The following PRR12 variants were observed in gnomAD, a reference collection of about 807,000 sequenced individuals.
The protein encoded by PRR12 is proline-rich protein 12.
In PRR12, 12 loss-of-function variants were observed where a neutral mutation model predicts 138.0. The ratio of observed to expected loss-of-function variants is 0.09; its 90% CI spans 0.06 to 0.14. The LOEUF is 0.14. Among genes scored for constraint, PRR12 ranks in the 10% least tolerant of loss-of-function variants. PRR12 has a pLI of 1.00. For synonymous variants in PRR12, 1,567 were observed against 1,291.7 expected (o/e 1.21, Z -4.57); for missense variants, 2,692 against 2,861.3 (o/e 0.94, Z 1.35).
chr19:49,601,568 C>T lies in PRR12; in HGVS notation c.4423C>T (p.Pro1475Ser). The change falls in exon 6 of 14, where the codon CCT (proline) becomes TCT (serine). Residue 1475 changes from proline (P) to serine (S), a missense_variant. Physicochemically the swap from Pro to Ser is moderately conservative, Grantham distance 74 (BLOSUM62 -1). This residue lies in a region of PRR12 where 231 missense variants were observed against 200.8 expected (regional missense o/e 1.15). Coordinates refer to ENST00000418929, the MANE Select transcript of PRR12 (RefSeq NM_020719.3). ...PTPQPQPPPPPPPPQPALPSP... is the reference protein window; with the variant it reads ...PTPQPQPPPPSPPPQPALPSP... ...TCCTCAGCCTCAGCCTCCGCCACCC[C>T]CTCCGCCGCCACAGCCAGCCCTGCC... is the stretch of plus-strand genomic sequence containing the variant. 5 of 1,541,602 alleles carry T rather than the reference C, an allele frequency of 3.2e-6. No individual in the cohort carries two copies. The highest frequency in any genetic ancestry group is 4.4e-6 in the Non-Finnish European group (5 of 1,140,570).
intron 6 of PRR12, among the ~76,000 whole-genome samples, chr19:49,612,390 A>G (rs1378108786): frequency 6.6e-6 from 1 of 151,864 alleles, no homozygotes; most frequent in Non-Finnish European, 1.5e-5. Context: ...GAGAGGCAGG[A>G]TGGGTGGGGC....
chr19:49,596,717 G>T lies in PRR12; in HGVS notation c.2382G>T (p.Leu794=). The part of the protein sequence containing the change: ...EAGGPDLPLV[L]PPPPPQLLPS... The stretch of plus-strand genomic sequence containing the variant: ...GGGGCCCTGACCTCCCACTGGTGCT[G>T]CCTCCGCCTCCCCCCCAGCTGCTCC... The change falls in exon 4 of 14, where the codon CTG becomes CTT. Residue 794 remains leucine, a synonymous_variant. Coordinates refer to ENST00000418929, the MANE Select transcript of PRR12 (RefSeq NM_020719.3). This position sits in a 1 kb window ranked among gnomAD's most constrained non-coding sequence, Gnocchi z 5.6. 1 of 1,605,390 alleles carries T rather than the reference G, an allele frequency of 6.2e-7. No homozygotes were observed.
chr19:49,614,302 C>G lies in PRR12; in HGVS notation c.4774-231C>G, dbSNP rs2080880627. ...AGCAATAGTGACTCAAACTCTACAG[C>G]CTGAGAACGAGCAGCCCAATCCAGG... is the stretch of plus-strand genomic sequence containing the variant. On this transcript the variant is annotated intron_variant, in intron 6 of 13. Coordinates refer to ENST00000418929, the MANE Select transcript of PRR12 (RefSeq NM_020719.3). The surrounding 1 kb of genome is among the most constrained non-coding windows in gnomAD (Gnocchi z 5.0). 6.6e-6 allele frequency among the ~76,000 whole-genome samples: 1 copy of G among 152,174 alleles called. No individual in the cohort carries two copies. The highest frequency in any genetic ancestry group is 1.5e-5 in the Non-Finnish European group (1 of 68,042).
Position 49,595,182 on chromosome 19 carries a change from C to T in PRR12, c.847C>T (p.Pro283Ser). ...CCCACCGCCGCCTGAGCGGGCCCTGCCACGCCAGGACACGGTCATCAAGCA... is the reference window on the plus strand; with the variant it reads ...CCCACCGCCGCCTGAGCGGGCCCTGTCACGCCAGGACACGGTCATCAAGCA... Reference protein sequence around the residue: ...PGPPPPERALPRQDTVIKHYQ... With the variant: ...PGPPPPERALSRQDTVIKHYQ... The change falls in exon 4 of 14, where the codon CCA (proline) becomes TCA (serine). Residue 283 changes from proline (P) to serine (S), a missense_variant. Coordinates refer to ENST00000418929, the MANE Select transcript of PRR12 (RefSeq NM_020719.3). 6.2e-7 allele frequency: 1 copy of T among 1,607,842 alleles called. No homozygotes were observed. The highest frequency in any genetic ancestry group is 1.3e-5 in the African/African-American group (1 of 74,912).
chr19:49,603,881 C>T (rs112030675), intron 6 of PRR12, among the ~76,000 whole-genome samples: 2,734 of 151,868 alleles, frequency 0.018, 82 homozygotes, highest in African/African-American at 0.061. Context: ...AGTGCAGTGA[C>T]GCAATCTCGG....
At position 49,626,318 on chromosome 19, in the gene PRR12, G is replaced by A. The variant is rs892237374; in HGVS notation, c.*711G>A. Reference sequence around the variant, plus strand: ...TCCCCTCCTCCCCGTTCTCGCCCCCGCCCCACCCCCTGCTCCCACTACCCT... The same window carrying A: ...TCCCCTCCTCCCCGTTCTCGCCCCCACCCCACCCCCTGCTCCCACTACCCT... On this transcript the variant is annotated 3_prime_UTR_variant, in exon 14 of 14. Coordinates refer to ENST00000418929, the MANE Select transcript of PRR12 (RefSeq NM_020719.3). The A allele has an allele frequency of 3.5e-5, 5 of 142,624 alleles. No homozygotes were observed. The highest frequency in any genetic ancestry group is 6.1e-5 in the Non-Finnish European group (4 of 65,076). The allele number at this position is 142,624 out of a possible 1,614,324, so 8.8% of individuals were successfully genotyped here.
At position 49,599,996 on chromosome 19, in the gene PRR12, T is replaced by A; in HGVS notation, c.4345+58T>A. 3 of 1,459,138 alleles carry A rather than the reference T, an allele frequency of 2.1e-6. No individual in the cohort carries two copies. In the South Asian group the frequency reaches 4.1e-5, roughly 20 times the overall value. The allele number at this position is 1,459,138 out of a possible 1,614,324, so 90.4% of individuals were successfully genotyped here. A position where few individuals can be genotyped will look rare whatever the true frequency, so the allele number is the denominator to read the frequency against. The stretch of plus-strand genomic sequence containing the variant: ...CTTAAAGGTTATTATGATCACTAGG[T>A]AACAGTTGTGCAGGTTACGCACTGT... On this transcript the variant is annotated intron_variant, in intron 5 of 13. Transcript: ENST00000418929. This position sits in a 1 kb window ranked among gnomAD's most constrained non-coding sequence, Gnocchi z 5.0.
chr19:49,599,460 C>T lies in PRR12; in HGVS notation c.3867C>T (p.Leu1289=). The T allele has an allele frequency of 6.2e-7, 1 of 1,602,634 alleles. No homozygotes were observed. The highest frequency in any genetic ancestry group is 8.5e-7 in the Non-Finnish European group (1 of 1,175,350). ...TCATGGCCTCCTTCTTGGACTTCCT[C>T]AAGTCAGGCAAGCGCCACCCACCAC... ...SGFMASFLDF[L]KSGKRHPPLY... Residue 1289 remains leucine, a synonymous_variant, in exon 5 of 14, where the codon CTC becomes CTT. Transcript: ENST00000418929. This position sits in a 1 kb window ranked among gnomAD's most constrained non-coding sequence, Gnocchi z 5.0.
chr19:49,611,783 C>T (rs1041688928), intron 6 of PRR12, among the ~76,000 whole-genome samples: 17 of 145,366 alleles, frequency 1.2e-4, no homozygotes, highest in Middle Eastern at 3.6e-3. Flanking sequence ...AATAGCCGGG[C>T]GTGGTGGCGG....
In PRR12 at chr19:49,596,286, A is replaced by G; in HGVS notation, c.1951A>G (p.Ser651Gly). 6.2e-7 allele frequency: 1 copy of G among 1,611,488 alleles called. No homozygotes were observed. Among genetic ancestry groups the G allele is most frequent in the Non-Finnish European group, 8.5e-7 (1 of 1,179,592 alleles). Residue 651 changes from serine (S) to glycine (G), a missense_variant, in exon 4 of 14, where the codon AGC becomes GGC. Physicochemically the swap from Ser to Gly is moderately conservative, Grantham distance 56. Coordinates refer to ENST00000418929, the MANE Select transcript of PRR12 (RefSeq NM_020719.3). The surrounding 1 kb of genome is among the most constrained non-coding windows in gnomAD (Gnocchi z 5.6). ...TATCCAGCACCTCTTGCAGGCGCCCAGCCCTCCTCGGACCTCAGGGGCGGA... is the reference window on the plus strand; with the variant it reads ...TATCCAGCACCTCTTGCAGGCGCCCGGCCCTCCTCGGACCTCAGGGGCGGA... ...FLIQHLLQAP[S>G]PPRTSGADGL...
rs1456398578 is a variant in PRR12, at chr19:49,614,997, C to T, written c.5012C>T (p.Pro1671Leu). ...GCTCGGAAACCCTGGCATCGGCCCC[C>T]AGTGCCAGTCAGGTACCAACCATGG... is the stretch of plus-strand genomic sequence containing the variant. ...VCARKPWHRPPVPVRRSGQAK... is the reference protein window; with the variant it reads ...VCARKPWHRPLVPVRRSGQAK... The change falls in exon 8 of 14, where the codon CCA becomes CTA. Residue 1671 changes from proline (P) to leucine (L), a missense_variant. By Grantham distance (98) the Pro-to-Leu change is moderately conservative. This residue lies in a region of PRR12 where 259 missense variants were observed against 265.1 expected (regional missense o/e 0.98). Coordinates refer to ENST00000418929, the MANE Select transcript of PRR12 (RefSeq NM_020719.3). The surrounding 1 kb of genome is among the most constrained non-coding windows in gnomAD (Gnocchi z 5.0). The T allele has an allele frequency of 6.2e-6, 10 of 1,613,940 alleles. No homozygotes were observed. In the South Asian group the frequency reaches 1.1e-4, roughly 18 times the overall value.
chr19:49,609,229 T>G (rs1239368712), intron 6 of PRR12, among the ~76,000 whole-genome samples: 1 of 152,120 alleles, frequency 6.6e-6, no homozygotes, highest in Admixed American at 6.6e-5. Context: ...CACCGGAGTT[T>G]GAGAGGTCAA....
Position 49,595,176 on chromosome 19 carries a change from G to C in PRR12, c.841G>C (p.Ala281Pro), listed in dbSNP as rs1466278934. 3.7e-6 allele frequency: 6 copies of C among 1,607,408 alleles called. No homozygotes were observed. Residue 281 changes from alanine to proline, a missense_variant, in exon 4 of 14, where the codon GCC (alanine) becomes CCC (proline). By Grantham distance (27) the Ala-to-Pro change is conservative (BLOSUM62 -1). Around this residue, in one of 11 missense-constraint regions of PRR12, gnomAD observed 523 missense variants for 496.4 expected, o/e 1.05. Transcript: ENST00000418929. ...CCCGGGCCCACCGCCGCCTGAGCGG[G>C]CCCTGCCACGCCAGGACACGGTCAT... Reference protein sequence around the residue: ...AAPGPPPPERALPRQDTVIKH... With the variant: ...AAPGPPPPERPLPRQDTVIKH...
chr19:49,598,410 C>T (rs1028385532), intron 4 of PRR12, among the ~76,000 whole-genome samples: 1 of 152,084 alleles, frequency 6.6e-6, no homozygotes, highest in African/African-American at 2.4e-5. Flanking sequence ...AGGTTTATGG[C>T]CGCACCTTGG....
At position 49,625,400 on chromosome 19, in the gene PRR12, C is replaced by T. The variant is rs1199706047; in HGVS notation, c.5965-61C>T. ...TGACACCCCAGGCCCCATGCCCCAG[C>T]CCCTTCCCTCCCCAGAGGCCGGTGT... On this transcript the variant is annotated intron_variant, in intron 13 of 13. Transcript: ENST00000418929. The surrounding 1 kb of genome is among the most constrained non-coding windows in gnomAD (Gnocchi z 5.5). The T allele has an allele frequency of 5.3e-6, 8 of 1,507,214 alleles. No individual in the cohort carries two copies. Among genetic ancestry groups the T allele is most frequent in the South Asian group, 1.3e-5 (1 of 78,858 alleles). 93.4% of individuals were successfully genotyped at this position (1,507,214 alleles called of 1,614,324 possible).
chr19:49,620,266 G>T, intron 9 of PRR12, 86 bp from the exon 10 acceptor site: 1 of 1,552,116 alleles, frequency 6.4e-7, no homozygotes, highest in Non-Finnish European at 8.8e-7. Context: ...TTCTCTTCCG[G>T]TCCCCAGTGT....
intron 9 of PRR12, 147 bp from the exon 10 acceptor site, chr19:49,620,205 G>T: frequency 9.2e-7 from 1 of 1,087,432 alleles, no homozygotes; most frequent in Non-Finnish European, 1.3e-6. Flanking sequence ...TGGCACTGGC[G>T]CTTGCCTGTC....
chr19:49,613,321 G>T (rs1470959098), intron 6 of PRR12, among the ~76,000 whole-genome samples: 1 of 138,126 alleles, frequency 7.2e-6, no homozygotes, highest in Non-Finnish European at 1.5e-5. Flanking sequence ...GCTGACTGAG[G>T]CTCCATCTCA....
rs2080895613 is a variant in PRR12 at position 49,616,843 on chromosome 19, G to A, written c.5497+624G>A. ...TCCTCAGTGCTTATGATGATGTCTG[G>A]TTAGGCCGGGCACAGTGGCTCGCGC... On this transcript the variant is annotated intron_variant, in intron 9 of 13. Coordinates refer to ENST00000418929, the MANE Select transcript of PRR12 (RefSeq NM_020719.3). The surrounding 1 kb of genome is among the most constrained non-coding windows in gnomAD (Gnocchi z 4.2). Among the ~76,000 whole-genome samples, 1 of 152,172 alleles carries A rather than the reference G, an allele frequency of 6.6e-6. No individual in the cohort carries two copies. Among genetic ancestry groups the A allele is most frequent in the Non-Finnish European group, 1.5e-5 (1 of 68,030 alleles).
Sources: gnomAD v4.1 joint callset for allele counts (sites outside exome capture counted in the v4.1 genomes callset) on GRCh38, gnomAD v4.1.1 for gene constraint, gnomAD v4.1.1 regional missense constraint, Gnocchi (gnomAD v3.1) non-coding constraint, MANE v1.5 for transcripts, NCBI Gene and HGNC (gene_info 2026-07-23, HGNC 2026-07-21) for gene names.